The following THEMIS2 variants were observed in gnomAD, a reference collection of about 807,000 sequenced individuals.
The protein encoded by THEMIS2 is thymocyte selection associated family member 2, also known as protein THEMIS2.
Under a neutral mutation model 46.8 loss-of-function variants are expected in THEMIS2, and 29 were observed. That is an observed-to-expected ratio of 0.62 (90% CI 0.46 to 0.84). THEMIS2 has a LOEUF of 0.84. Among genes scored for constraint, THEMIS2 ranks in the 40% least tolerant of loss-of-function variants. THEMIS2 has a pLI of 0.00. For synonymous variants in THEMIS2, 335 were observed against 349.1 expected (o/e 0.96, Z 0.45); for missense variants, 698 against 834.7 (o/e 0.84, Z 2.02).
chr1:27,873,967 AG>A (rs1251124654), intron 1 of THEMIS2, among the ~76,000 whole-genome samples: 1 of 149,776 alleles, frequency 6.7e-6, no homozygotes, highest in Non-Finnish European at 1.5e-5. Flanking sequence ...GGCACTCAGA[AG>A]GGGCTGGCTG....
chr1:27,875,485 C>T (rs577292092), intron 1 of THEMIS2, among the ~76,000 whole-genome samples: 1 of 152,172 alleles, frequency 6.6e-6, no homozygotes. Context: ...CCTGGCAGTA[C>T]GTGGGGAGGT....
intron 1 of THEMIS2, among the ~76,000 whole-genome samples, chr1:27,874,987 T>C (rs1200560620): frequency 1.3e-5 from 2 of 151,456 alleles, no homozygotes; most frequent in Non-Finnish European, 2.9e-5. Context: ...TCTTCTTCTT[T>C]TTTTTTTTTG....
At chr1:27,876,794 G>A (rs1029607307) in intron 2 of THEMIS2, 66 bp downstream of exon 2, 36 of 1,570,092 alleles carry the variant, frequency 2.3e-5, no homozygotes, top group Non-Finnish European at 3.0e-5. Flanking sequence ...CAGGCTGCTC[G>A]TGGGCTTGCC....
intron 1 of THEMIS2, among the ~76,000 whole-genome samples, chr1:27,874,889 G>A (rs879560787): frequency 7.3e-5 from 11 of 151,432 alleles, no homozygotes; most frequent in South Asian, 6.3e-4. Context: ...GTGAGCCACC[G>A]CACCCAGCCA....
At chr1:27,873,455 G>C (rs11587360) in intron 1 of THEMIS2, among the ~76,000 whole-genome samples, 1 of 152,098 alleles carries the variant, frequency 6.6e-6, no homozygotes, top group African/African-American at 2.4e-5. Flanking sequence ...GATGCTGTGT[G>C]GGGGTGCGGG....
chr1:27,878,406 A>T (rs2089620996), intron 2 of THEMIS2, among the ~76,000 whole-genome samples: 2 of 1,822 alleles, frequency 1.1e-3, no homozygotes, highest in South Asian at 0.042. Context: ...GTCTCACTCA[A>T]ACTCTTGGGT....
chr1:27,884,502 C>A (rs1436391839), intron 4 of THEMIS2: 2 of 152,272 alleles, frequency 1.3e-5, no homozygotes, highest in African/African-American at 4.8e-5. Flanking sequence ...AATGGCTGGA[C>A]TGAAACATCC....
At chr1:27,879,278 G>A (rs1376540298) in intron 2 of THEMIS2, among the ~76,000 whole-genome samples, 2 of 152,142 alleles carry the variant, frequency 1.3e-5, no homozygotes, top group Non-Finnish European at 2.9e-5. Flanking sequence ...GACCTGTGGA[G>A]AGGCATCTGG....
rs1227541186 is a variant in THEMIS2, at chr1:27,882,257, C to T, written c.933C>T (p.Pro311=). Residue 311 remains proline (P), a synonymous_variant, in exon 4 of 6, where the codon CCC becomes CCT. Coordinates refer to ENST00000373921, the MANE Select transcript of THEMIS2 (RefSeq NM_001105556.3). This position sits in a 1 kb window ranked among gnomAD's most constrained non-coding sequence, Gnocchi z 7.6. The part of the protein sequence containing the change: ...VLASSKGRKV[P]RHFLVSGGYQ... ...CCTCAAGCAAGGGCCGCAAGGTGCCCAGGCACTTCCTGGTGTCAGGGGGCT... is the reference window on the plus strand; with the variant it reads ...CCTCAAGCAAGGGCCGCAAGGTGCCTAGGCACTTCCTGGTGTCAGGGGGCT... 3 of 1,608,172 alleles carry T rather than the reference C, an allele frequency of 1.9e-6. No homozygotes were observed. The highest frequency in any genetic ancestry group is 1.7e-4 in the Middle Eastern group (1 of 6,050).
chr1:27,885,225 T>G, intron 4 of THEMIS2, 70 bp from the exon 5 acceptor site: 1 of 1,537,602 alleles, frequency 6.5e-7, no homozygotes, highest in Non-Finnish European at 8.9e-7. Context: ...TTAACGTGAA[T>G]GACCGTTTTT....
intron 3 of THEMIS2, among the ~76,000 whole-genome samples, chr1:27,881,583 T>G (rs1053800134): frequency 6.6e-6 from 1 of 151,706 alleles, no homozygotes; most frequent in African/African-American, 2.4e-5. Context: ...ATCCCAGCAC[T>G]TTGGGAGGCC....
chr1:27,879,416 G>A (rs1000814719), intron 2 of THEMIS2, among the ~76,000 whole-genome samples: 2 of 152,048 alleles, frequency 1.3e-5, no homozygotes, highest in Non-Finnish European at 2.9e-5. Flanking sequence ...AGTCTCTCTC[G>A]GTTCCTACTT....
chr1:27,875,465 TG>T (rs979360197), intron 1 of THEMIS2, among the ~76,000 whole-genome samples: 127 of 152,284 alleles, frequency 8.3e-4, no homozygotes, highest in African/African-American at 2.9e-3. Flanking sequence ...TTATGACTGG[TG>T]GGCATTTTCC....
intron 2 of THEMIS2, among the ~76,000 whole-genome samples, chr1:27,879,175 G>T (rs1413464458): frequency 1.3e-5 from 2 of 152,152 alleles, no homozygotes; most frequent in Non-Finnish European, 2.9e-5. Flanking sequence ...AGGATGCAGG[G>T]GTAAAGTGGG....
rs191288059 is a variant in THEMIS2, at chr1:27,876,584, G to A, written c.95-4G>A. ...ATGGGGAAATGGAGTCCTTGTCTCCGCAGGCTCCATCTATGAGATCTCTGG... is the reference window on the plus strand; with the variant it reads ...ATGGGGAAATGGAGTCCTTGTCTCCACAGGCTCCATCTATGAGATCTCTGG... On this transcript the variant is annotated splice_region_variant and splice_polypyrimidine_tract_variant and intron_variant, in intron 1 of 5. Transcript: ENST00000373921. 1.8e-4 allele frequency: 289 copies of A among 1,613,024 alleles called. 1 individual carries two copies. The South Asian group carries it at 2.6e-3, about 14-fold the overall frequency.
intron 1 of THEMIS2, 60 bp from the exon 2 acceptor site, chr1:27,876,528 C>A: frequency 6.3e-7 from 1 of 1,581,788 alleles, no homozygotes; most frequent in Non-Finnish European, 8.6e-7. Flanking sequence ...GGCACCAGGG[C>A]ACAGGCTGCC....
intron 1 of THEMIS2, among the ~76,000 whole-genome samples, chr1:27,875,824 C>T (rs1222915762): frequency 6.6e-6 from 1 of 152,206 alleles, no homozygotes; most frequent in East Asian, 1.9e-4. Flanking sequence ...CCTCAGCCTC[C>T]CGAGTAGCTG....
Position 27,885,429 on chromosome 1 carries a change from T to C in THEMIS2, c.1854T>C (p.Ala618=). The C allele has an allele frequency of 6.2e-7, 1 of 1,614,098 alleles. No homozygotes were observed. The highest frequency in any genetic ancestry group is 8.5e-7 in the Non-Finnish European group (1 of 1,180,004). ...CCCACAGGAAGGGCCACAGGCCCGC[T>C]AAGCCCCAAAGGCAGGATCTAGGTG... ...IPAHRKGHRP[A]KPQRQDLDDD... is the part of the protein sequence containing the mutation. Residue 618 remains alanine, a synonymous_variant, in exon 5 of 6, where the codon GCT becomes GCC. Coordinates refer to ENST00000373921, the MANE Select transcript of THEMIS2 (RefSeq NM_001105556.3).
At chr1:27,874,192 G>A (rs551564842) in intron 1 of THEMIS2, among the ~76,000 whole-genome samples, 1 of 151,894 alleles carries the variant, frequency 6.6e-6, no homozygotes, top group African/African-American at 2.4e-5. Context: ...CCAGGACAAC[G>A]TCCAGCTAAT....
Sources: gnomAD v4.1 joint callset for allele counts (sites outside exome capture counted in the v4.1 genomes callset) on GRCh38, gnomAD v4.1.1 for gene constraint, Gnocchi (gnomAD v3.1) non-coding constraint, MANE v1.5 for transcripts, NCBI Gene and HGNC (gene_info 2026-07-23, HGNC 2026-07-21) for gene names.